MAML3: variants seen among roughly 807,000 people sequenced by gnomAD.
The protein encoded by MAML3 is mastermind-like protein 3.
Under a neutral mutation model 101.9 loss-of-function variants are expected in MAML3, and 27 were observed. The observed-to-expected ratio is 0.27, with a 90% confidence interval of 0.20 to 0.37. MAML3 has a LOEUF of 0.37. MAML3 is among the 10% of genes least tolerant of loss of function. MAML3 has a pLI of 1.00. For missense variants in MAML3, 1,316 were observed against 1,444.9 expected (o/e 0.91, Z 1.45); for synonymous variants, 501 against 555.9 (o/e 0.90, Z 1.39).
At chr4:140,118,921 AC>A (rs1390480729) in intron 1 of MAML3, among the ~76,000 whole-genome samples, 1 of 152,202 alleles carries the variant, frequency 6.6e-6, no homozygotes, top group Non-Finnish European at 1.5e-5. Context: ...GCAGCATCCT[AC>A]ATTCTAAGTG....
chr4:139,969,502 A>G (rs1414659653), intron 1 of MAML3, among the ~76,000 whole-genome samples: 3 of 152,146 alleles, frequency 2.0e-5, no homozygotes, highest in Non-Finnish European at 4.4e-5. Flanking sequence ...AGCATGAAGA[A>G]TTTCCACATT....
At chr4:139,724,092 A>G (rs1217789076) in intron 4 of MAML3, among the ~76,000 whole-genome samples, 1 of 152,228 alleles carries the variant, frequency 6.6e-6, no homozygotes, top group African/African-American at 2.4e-5. Context: ...AACCACTGGC[A>G]CTGATTTAGT....
intron 1 of MAML3, among the ~76,000 whole-genome samples, chr4:140,098,454 A>T (rs1026221020): frequency 3.3e-5 from 5 of 152,194 alleles, no homozygotes; most frequent in Non-Finnish European, 7.4e-5. Flanking sequence ...TTTATTGAGC[A>T]CCTCGTATAC....
At chr4:139,739,417 G>A (rs1309010334) in intron 2 of MAML3, among the ~76,000 whole-genome samples, 1 of 152,176 alleles carries the variant, frequency 6.6e-6, no homozygotes, top group East Asian at 1.9e-4. Context: ...ACACAACTTT[G>A]AGAGTTATGC....
chr4:139,761,358 A>C (rs1441961454), intron 2 of MAML3, among the ~76,000 whole-genome samples: 2 of 152,108 alleles, frequency 1.3e-5, no homozygotes, highest in Non-Finnish European at 2.9e-5. Flanking sequence ...TTCATTTCCC[A>C]CCACTGCAAG....
At chr4:139,757,957 TGCCTTTCCTCCACTA>T (rs2092460806) in intron 2 of MAML3, among the ~76,000 whole-genome samples, 4 of 152,284 alleles carry the variant, frequency 2.6e-5, no homozygotes, top group Admixed American at 2.6e-4. Context: ...AAGCACCTTC[TGCCTTTCCTCCACTA>T]GCCTTCTCAT....
intron 1 of MAML3, among the ~76,000 whole-genome samples, chr4:140,059,152 T>C (rs1342554393): frequency 6.6e-6 from 1 of 152,220 alleles, no homozygotes; most frequent in African/African-American, 2.4e-5. Flanking sequence ...AAAATCTGTC[T>C]AAAAGAAGCA....
At chr4:139,721,972 G>A (rs897636567) in intron 4 of MAML3, among the ~76,000 whole-genome samples, 24 of 152,086 alleles carry the variant, frequency 1.6e-4, no homozygotes, top group African/African-American at 5.6e-4. Context: ...AAAGTTTAAG[G>A]GAAAAATATT....
intron 1 of MAML3, among the ~76,000 whole-genome samples, chr4:140,147,765 A>G (rs911539776): frequency 2.0e-5 from 3 of 152,246 alleles, no homozygotes; most frequent in African/African-American, 7.2e-5. Context: ...GCTCAAGAGT[A>G]TAAGACAGGA....
At chr4:139,867,281 G>A (rs1376813564) in intron 2 of MAML3, among the ~76,000 whole-genome samples, 1 of 152,172 alleles carries the variant, frequency 6.6e-6, no homozygotes, top group Non-Finnish European at 1.5e-5. Context: ...CTTTGGGAAT[G>A]TGTATTTTTC....
chr4:139,854,923 G>A (rs996050268), intron 2 of MAML3, among the ~76,000 whole-genome samples: 1 of 152,088 alleles, frequency 6.6e-6, no homozygotes, highest in Non-Finnish European at 1.5e-5. Flanking sequence ...AGGTTCATTG[G>A]GACCATTCTC....
At chr4:139,955,680 TGGG>T (rs946116215) in intron 1 of MAML3, among the ~76,000 whole-genome samples, 2 of 152,212 alleles carry the variant, frequency 1.3e-5, no homozygotes, top group African/African-American at 4.8e-5. Context: ...AAGCCTGTGA[TGGG>T]GATTTCTGGA....
At chr4:139,999,370 C>T (rs376515546) in intron 1 of MAML3, among the ~76,000 whole-genome samples, 120 of 152,328 alleles carry the variant, frequency 7.9e-4, no homozygotes, top group African/African-American at 2.8e-3. Flanking sequence ...CTAGAATCTC[C>T]ATGACAACTG....
At position 139,785,702 on chromosome 4, in the gene MAML3, C is replaced by G. The variant is rs1730294456; in HGVS notation, c.2080-55035G>C. On this transcript the variant is annotated intron_variant, in intron 2 of 4. Coordinates refer to ENST00000509479, the MANE Select transcript of MAML3 (RefSeq NM_018717.5). The surrounding 1 kb of genome is among the most constrained non-coding windows in gnomAD (Gnocchi z 4.3). ...TTTTTTCCTGTGATAAAACAGATTT[C>G]CTGAATTTAAAATGCTACTGAGGGT... 6.6e-6 allele frequency among the ~76,000 whole-genome samples: 1 copy of G among 151,894 alleles called. No homozygotes were observed. The highest frequency in any genetic ancestry group is 2.4e-5 in the African/African-American group (1 of 41,304).
At chr4:140,107,060 AG>A (rs1388462459) in intron 1 of MAML3, among the ~76,000 whole-genome samples, 2 of 152,136 alleles carry the variant, frequency 1.3e-5, no homozygotes, top group African/African-American at 4.8e-5. Flanking sequence ...TAGTAGAGAC[AG>A]GGTTTCACCA....
chr4:139,990,267 A>C (rs1271430392), intron 1 of MAML3, among the ~76,000 whole-genome samples: 1 of 152,248 alleles, frequency 6.6e-6, no homozygotes, highest in Non-Finnish European at 1.5e-5. Flanking sequence ...AATAAATGTA[A>C]TTCAGCATAT....
chr4:139,954,984 C>A (rs1733893093), intron 1 of MAML3, among the ~76,000 whole-genome samples: 1 of 152,054 alleles, frequency 6.6e-6, no homozygotes, highest in Non-Finnish European at 1.5e-5. Context: ...AGAAAGCTAA[C>A]ATCTACCATT....
intron 2 of MAML3, among the ~76,000 whole-genome samples, chr4:139,790,773 AT>A (rs1340690369): frequency 1.3e-5 from 2 of 152,184 alleles, no homozygotes; most frequent in African/African-American, 4.8e-5. Flanking sequence ...TACATACCAC[AT>A]TTTGATTATC....
At chr4:140,069,568 GGA>G (rs1442724003) in intron 1 of MAML3, among the ~76,000 whole-genome samples, 6 of 125,430 alleles carry the variant, frequency 4.8e-5, no homozygotes, top group Admixed American at 1.6e-4. Context: ...GGGAGGAGGA[GGA>G]GGGGAGGAGG....
Sources: allele counts gnomAD v4.1 joint callset (sites outside exome capture counted in the v4.1 genomes callset), GRCh38; gene constraint gnomAD v4.1.1; non-coding constraint Gnocchi (gnomAD v3.1); transcripts MANE v1.5; gene names NCBI Gene and HGNC (gene_info 2026-07-23, HGNC 2026-07-21).